Variants in NXPH1 observed in about 807,000 individuals in gnomAD.
NXPH1 encodes the protein neurexophilin 1.
In NXPH1, 5 loss-of-function variants were observed where a neutral mutation model predicts 23.7. That is an observed-to-expected ratio of 0.21 (90% CI 0.11 to 0.44). NXPH1 has a LOEUF of 0.44. Among genes scored for constraint, NXPH1 ranks in the 20% least tolerant of loss-of-function variants. The pLI, the probability that NXPH1 is intolerant of heterozygous loss-of-function variation, is 0.99. For synonymous variants in NXPH1, 144 were observed against 122.2 expected (o/e 1.18, Z -1.18); for missense variants, 324 against 321.6 (o/e 1.01, Z -0.06).
At chr7:8,490,583 C>A (rs574976448) in intron 2 of NXPH1, among the ~76,000 whole-genome samples, 1 of 151,936 alleles carries the variant, frequency 6.6e-6, no homozygotes, top group African/African-American at 2.4e-5. Flanking sequence ...ACATTTATAA[C>A]TGGGGAGCGC....
At chr7:8,624,054 G>A (rs1434310401) in intron 2 of NXPH1, among the ~76,000 whole-genome samples, 1 of 152,122 alleles carries the variant, frequency 6.6e-6, no homozygotes, top group East Asian at 1.9e-4. Flanking sequence ...TAGAGGGAAG[G>A]GGGATAAATA....
chr7:8,664,070 A>G (rs1223269450), intron 2 of NXPH1, among the ~76,000 whole-genome samples: 2 of 152,064 alleles, frequency 1.3e-5, no homozygotes, highest in African/African-American at 4.8e-5. Flanking sequence ...TTAGAAAGCC[A>G]TGTATGATGC....
chr7:8,540,946 A>C (rs936988790), intron 2 of NXPH1, among the ~76,000 whole-genome samples: 13 of 151,754 alleles, frequency 8.6e-5, no homozygotes, highest in Admixed American at 7.9e-4. Flanking sequence ...CTAAGTAACA[A>C]CTCTTCCAGA....
chr7:8,541,758 G>A (rs1036376315), intron 2 of NXPH1, among the ~76,000 whole-genome samples: 2 of 151,544 alleles, frequency 1.3e-5, no homozygotes, highest in Non-Finnish European at 3.0e-5. Flanking sequence ...ATTAATATAA[G>A]GTTTTTATAC....
intron 2 of NXPH1, among the ~76,000 whole-genome samples, chr7:8,507,442 GCTATA>G (rs1475692430): frequency 1.3e-5 from 2 of 149,368 alleles, no homozygotes; most frequent in East Asian, 3.9e-4. Context: ...GCTGTAATGA[GCTATA>G]CTATTATTAT....
At chr7:8,498,721 T>A (rs17149768) in intron 2 of NXPH1, among the ~76,000 whole-genome samples, 16,589 of 152,088 alleles carry the variant, frequency 0.11, 1,174 homozygotes, top group African/African-American at 0.19. Flanking sequence ...CAATGAACAC[T>A]CTATTTTCAG....
At chr7:8,485,553 G>T (rs138388222) in intron 2 of NXPH1, among the ~76,000 whole-genome samples, 10 of 152,026 alleles carry the variant, frequency 6.6e-5, no homozygotes, top group Admixed American at 2.0e-4. Flanking sequence ...CAATGACTCT[G>T]TTCTTCTCCG....
At chr7:8,675,124 C>T (rs796254289) in intron 2 of NXPH1, among the ~76,000 whole-genome samples, 30 of 152,138 alleles carry the variant, frequency 2.0e-4, no homozygotes, top group African/African-American at 6.5e-4. Context: ...ACTCTGGAAT[C>T]AGAGAGACCA....
intron 2 of NXPH1, among the ~76,000 whole-genome samples, chr7:8,556,592 T>C (rs994202679): frequency 6.6e-6 from 1 of 151,770 alleles, no homozygotes; most frequent in African/African-American, 2.4e-5. Flanking sequence ...GAACTATGTA[T>C]GTCTAGAACT....
At chr7:8,440,555 GA>G (rs997681882) in intron 2 of NXPH1, among the ~76,000 whole-genome samples, 1 of 152,098 alleles carries the variant, frequency 6.6e-6, no homozygotes, top group Admixed American at 6.5e-5. Context: ...GAAATTGGTT[GA>G]TTTTTTTTTG....
intron 2 of NXPH1, among the ~76,000 whole-genome samples, chr7:8,462,716 C>T (rs1417221325): frequency 6.6e-6 from 1 of 152,172 alleles, no homozygotes; most frequent in Non-Finnish European, 1.5e-5. Flanking sequence ...ACATGTTGTA[C>T]ATGATATATA....
intron 2 of NXPH1, among the ~76,000 whole-genome samples, chr7:8,632,576 G>A (rs895016478): frequency 6.6e-6 from 1 of 152,126 alleles, no homozygotes; most frequent in Non-Finnish European, 1.5e-5. Flanking sequence ...GCAGCAACTG[G>A]CACAGTGACT....
At position 8,751,414 on chromosome 7, in the gene NXPH1, G is replaced by C. The variant is rs1328981151; in HGVS notation, c.461G>C (p.Arg154Thr). 1 of 1,613,720 alleles carries C rather than the reference G, an allele frequency of 6.2e-7. No homozygotes were observed. Among genetic ancestry groups the C allele is most frequent in the East Asian group, 2.2e-5 (1 of 44,890 alleles). The change falls in exon 3 of 3, where the codon AGG becomes ACG. Residue 154 changes from arginine to threonine, a missense_variant. Coordinates refer to ENST00000405863, the MANE Select transcript of NXPH1 (RefSeq NM_152745.3). The surrounding 1 kb of genome is among the most constrained non-coding windows in gnomAD (Gnocchi z 4.5). ...HGNGTFSVYFRHNSTGQGNVS... is the reference protein window; with the variant it reads ...HGNGTFSVYFTHNSTGQGNVS... ...AATGGGACATTTAGTGTTTATTTCA[G>C]GCATAATTCAACTGGTCAAGGGAAT...
chr7:8,662,189 T>TACACAC (rs60107144), intron 2 of NXPH1, among the ~76,000 whole-genome samples: 3 of 150,632 alleles, frequency 2.0e-5, no homozygotes, highest in African/African-American at 7.4e-5. Flanking sequence ...TATATATATA[T>TACACAC]ACACACATAT....
chr7:8,733,713 C>G (rs1280042845), intron 2 of NXPH1, among the ~76,000 whole-genome samples: 1 of 151,982 alleles, frequency 6.6e-6, no homozygotes, highest in African/African-American at 2.4e-5. Flanking sequence ...CCTTTGCCCA[C>G]TTTTTGATGG....
chr7:8,618,474 T>G (rs1288771175), intron 2 of NXPH1, among the ~76,000 whole-genome samples: 2 of 152,194 alleles, frequency 1.3e-5, no homozygotes, highest in Non-Finnish European at 2.9e-5. Flanking sequence ...TTATTAACTT[T>G]GTATATAAGA....
chr7:8,460,772 C>T (rs1400058887), intron 2 of NXPH1, among the ~76,000 whole-genome samples: 2 of 152,288 alleles, frequency 1.3e-5, no homozygotes, highest in East Asian at 1.9e-4. Context: ...TGAATCTCAG[C>T]ACTCCCAATT....
chr7:8,606,644 T>C (rs2128628559), intron 2 of NXPH1, among the ~76,000 whole-genome samples: 1 of 152,276 alleles, frequency 6.6e-6, no homozygotes, highest in South Asian at 2.1e-4. Flanking sequence ...ACAGGACTGC[T>C]GCCCTCTCAC....
chr7:8,685,108 A>G (rs894674336), intron 2 of NXPH1, among the ~76,000 whole-genome samples: 2 of 152,052 alleles, frequency 1.3e-5, no homozygotes, highest in African/African-American at 4.8e-5. Context: ...AACAGTTTCT[A>G]TCTGTTCCTT....
Sources: allele counts gnomAD v4.1 joint callset (sites outside exome capture counted in the v4.1 genomes callset), GRCh38; gene constraint gnomAD v4.1.1; non-coding constraint Gnocchi (gnomAD v3.1); transcripts MANE v1.5; gene names NCBI Gene and HGNC (gene_info 2026-07-23, HGNC 2026-07-21).